The following TRPM6 variants were observed in gnomAD, a reference collection of about 807,000 sequenced individuals.
TRPM6 encodes the protein channel kinase 2.
TRPM6 carries 111 observed loss-of-function variants against 247.6 expected under a neutral mutation model. That is an observed-to-expected ratio of 0.45 (90% CI 0.38 to 0.52). The LOEUF is 0.52. Among genes scored for constraint, TRPM6 ranks in the 20% least tolerant of loss-of-function variants. The pLI is 0.00. For synonymous variants in TRPM6, 892 were observed against 853.8 expected, an observed-to-expected ratio of 1.04 and a Z score of -0.78; for missense variants, 2,126 against 2,421.5, an observed-to-expected ratio of 0.88 and a Z score of 2.56.
intron 4 of TRPM6, among the ~76,000 whole-genome samples, chr9:74,841,102 C>G (rs1337233100): frequency 1.3e-5 from 2 of 152,152 alleles, no homozygotes; most frequent in African/African-American, 4.8e-5. Context: ...TAACCATTAT[C>G]CCTCTGAAAA....
In TRPM6 at chr9:74,771,832, A is replaced by T. The variant is rs754902975; in HGVS notation, c.3407T>A (p.Leu1136His). 1 of 1,613,714 alleles carries T rather than the reference A, an allele frequency of 6.2e-7. No individual in the cohort carries two copies. The highest frequency in any genetic ancestry group is 2.2e-5 in the East Asian group (1 of 44,870). Residue 1136 changes from leucine to histidine, a missense_variant, in exon 25 of 39, where the codon CTC becomes CAC. This residue lies in a region of TRPM6 where 717 missense variants were observed against 715.9 expected (regional missense o/e 1.00). Transcript: ENST00000360774. ...TTTCAGATCCTCCTTACTGAGGTAG[A>T]GTTCTATAGAAATAAGTATGAAACA... Reference protein sequence around the residue: ...DQEEGDVGLKLYLSKEDLKKL... With the variant: ...DQEEGDVGLKHYLSKEDLKKL...
At chr9:74,847,217 T>C (rs1457278483) in intron 3 of TRPM6, among the ~76,000 whole-genome samples, 1 of 152,194 alleles carries the variant, frequency 6.6e-6, no homozygotes, top group Non-Finnish European at 1.5e-5. Context: ...ACTGTTTAGT[T>C]TGAGATAAGG....
chr9:74,878,158 A>G (rs1404626249), intron 1 of TRPM6, among the ~76,000 whole-genome samples: 1 of 152,092 alleles, frequency 6.6e-6, no homozygotes, highest in African/African-American at 2.4e-5. Context: ...GTCAATTTCA[A>G]CACCAGCATG....
chr9:74,877,638 A>G (rs1831233418), intron 1 of TRPM6, among the ~76,000 whole-genome samples: 1 of 152,114 alleles, frequency 6.6e-6, no homozygotes. Flanking sequence ...TGCTGCCTAC[A>G]GGGCCAAACC....
chr9:74,827,587 T>G, intron 7 of TRPM6, 191 bp downstream of exon 7: 1 of 697,328 alleles, frequency 1.4e-6, no homozygotes, highest in South Asian at 1.5e-5. Flanking sequence ...ATCCTCGAAG[T>G]GTCATTTGGA....
rs1825900723 is a variant in TRPM6 at position 74,742,607 on chromosome 9, T to C, written c.5154A>G (p.Leu1718=). ...ATGGTATGGTCTGAGAAAGCCTCAT[T>C]AAATTATTCCTTTCAATGGCTGCAA... ...HHYSAIERNN[L]MRLSQTIPFT... Residue 1718 remains leucine, a synonymous_variant, in exon 33 of 39, where the codon TTA becomes TTG. Coordinates refer to ENST00000360774, the MANE Select transcript of TRPM6 (RefSeq NM_017662.5). The C allele has an allele frequency of 6.2e-7, 1 of 1,613,904 alleles. No homozygotes were observed. Among genetic ancestry groups the C allele is most frequent in the African/African-American group, 1.3e-5 (1 of 75,038 alleles).
intron 22 of TRPM6, 34 bp downstream of exon 22, chr9:74,782,645 C>G (rs1324062543): frequency 6.2e-7 from 1 of 1,611,274 alleles, no homozygotes; most frequent in Admixed American, 1.7e-5. Flanking sequence ...TATGAAGGCA[C>G]AATTTCTGCA....
intron 24 of TRPM6, among the ~76,000 whole-genome samples, chr9:74,773,127 AAAC>A (rs547034582): frequency 2.3e-4 from 35 of 151,932 alleles, no homozygotes; most frequent in East Asian, 1.2e-3. Flanking sequence ...ACTCCATCTC[AAAC>A]AACAACAACA....
At chr9:74,862,969 G>C (rs1027460944) in intron 1 of TRPM6, among the ~76,000 whole-genome samples, 2 of 151,702 alleles carry the variant, frequency 1.3e-5, no homozygotes, top group Non-Finnish European at 2.9e-5. Context: ...TGACAGAACA[G>C]GACTCTGTCT....
chr9:74,755,406 G>A lies in TRPM6; in HGVS notation c.4853C>T (p.Ser1618Phe), dbSNP rs751520783. 4.3e-6 allele frequency: 7 copies of A among 1,614,120 alleles called. No individual in the cohort carries two copies. In the South Asian group the frequency reaches 5.5e-5, roughly 13 times the overall value. ...LNPEPGENSI[S>F]EEEYSKNWFT... ...CCAGTTCTTGCTGTACTCCTCTTCAGAGATGCTGTTTTCTCCTGGCTCTGG... is the reference window on the plus strand; with the variant it reads ...CCAGTTCTTGCTGTACTCCTCTTCAAAGATGCTGTTTTCTCCTGGCTCTGG... Residue 1618 changes from serine to phenylalanine, a missense_variant, in exon 28 of 39, where the codon TCT (serine) becomes TTT (phenylalanine). This residue lies in a region of TRPM6 where 717 missense variants were observed against 715.9 expected (regional missense o/e 1.00). Coordinates refer to ENST00000360774, the MANE Select transcript of TRPM6 (RefSeq NM_017662.5).
chr9:74,882,004 C>T (rs10869455), intron 1 of TRPM6, among the ~76,000 whole-genome samples: 56,105 of 151,966 alleles, frequency 0.37, 11,927 homozygotes, highest in East Asian at 0.5. Flanking sequence ...TTATATGCAG[C>T]AGAATGAAAC....
chr9:74,795,260 A>G (rs1828050622), intron 18 of TRPM6, among the ~76,000 whole-genome samples: 1 of 152,148 alleles, frequency 6.6e-6, no homozygotes, highest in Non-Finnish European at 1.5e-5. Flanking sequence ...TTGCTAAACC[A>G]TCCTATGCCC....
rs147564187 is a variant in TRPM6, at chr9:74,778,667, A to G, written c.3210-2591T>C. On this transcript the variant is annotated intron_variant, in intron 23 of 38. Transcript: ENST00000360774. ...CTTATCACTTCTTTCAGTGGTGGCC[A>G]AGCCAACCAGACCCAAACATGATGC... is the stretch of plus-strand genomic sequence containing the variant. Among the ~76,000 whole-genome samples, 509 of 152,250 alleles carry G rather than the reference A, an allele frequency of 3.3e-3. 4 individuals carry two copies. The highest frequency in any genetic ancestry group is 0.012 in the African/African-American group (486 of 41,548).
intron 3 of TRPM6, among the ~76,000 whole-genome samples, chr9:74,848,925 T>C (rs1344915166): frequency 1.3e-5 from 2 of 152,102 alleles, no homozygotes; most frequent in Non-Finnish European, 2.9e-5. Context: ...AAAGAGACAA[T>C]AGAGACAAAT....
chr9:74,859,398 G>C (rs1830627198), intron 1 of TRPM6, among the ~76,000 whole-genome samples: 1 of 152,216 alleles, frequency 6.6e-6, no homozygotes, highest in South Asian at 2.1e-4. Flanking sequence ...TCCAGTGGCA[G>C]AGGACACTGG....
At chr9:74,822,622 A>G (rs796406049) in intron 7 of TRPM6, among the ~76,000 whole-genome samples, 2 of 152,194 alleles carry the variant, frequency 1.3e-5, no homozygotes, top group African/African-American at 4.8e-5. Context: ...AGACTTTTGC[A>G]TTGCCATTTA....
chr9:74,872,558 G>A (rs1046019621), intron 1 of TRPM6, among the ~76,000 whole-genome samples: 1 of 152,036 alleles, frequency 6.6e-6, no homozygotes, highest in South Asian at 2.1e-4. Context: ...ATCCTCCCAA[G>A]TAGCTGGGAC....
chr9:74,748,681 C>A (rs1238066860), intron 30 of TRPM6, among the ~76,000 whole-genome samples: 4 of 152,114 alleles, frequency 2.6e-5, no homozygotes, highest in Non-Finnish European at 5.9e-5. Flanking sequence ...TATTTTTGTA[C>A]AACCATACAA....
In TRPM6 at chr9:74,798,213, T is replaced by C. The variant is rs373196471; in HGVS notation, c.2239-1320A>G. ...GAAAAAGAAGATTTAAATTGACTAG[T>C]TGGCATTCATTATTAAGTATGGTAA... On this transcript the variant is annotated intron_variant, in intron 17 of 38. Transcript: ENST00000360774. Among the ~76,000 whole-genome samples the C allele has an allele frequency of 5.9e-5, 9 of 152,222 alleles. No homozygotes were observed. The East Asian group carries it at 1.7e-3, about 29-fold the overall frequency.
Sources: gnomAD v4.1 joint callset for allele counts (sites outside exome capture counted in the v4.1 genomes callset) on GRCh38, gnomAD v4.1.1 for gene constraint, gnomAD v4.1.1 regional missense constraint, MANE v1.5 for transcripts, NCBI Gene and HGNC (gene_info 2026-07-23, HGNC 2026-07-21) for gene names.